The following FBN2 variants were observed in gnomAD, a reference collection of about 807,000 sequenced individuals.
FBN2 encodes the protein fibrillin 2.
Under a neutral mutation model 355.6 loss-of-function variants are expected in FBN2, and 105 were observed. That is an observed-to-expected ratio of 0.30 (90% confidence interval 0.25 to 0.35). FBN2 has a LOEUF of 0.35. FBN2 is among the 10% of genes least tolerant of loss of function. The pLI is 1.00. For synonymous variants in FBN2, 1,350 were observed against 1,301.2 expected, an observed-to-expected ratio of 1.04 and a Z score of -0.81; for missense variants, 3,280 against 3,758.7, an observed-to-expected ratio of 0.87 and a Z score of 3.33.
rs757659311 is a variant in FBN2, at chr5:128,408,807, AG to A, written c.953-9del. The stretch of plus-strand genomic sequence containing the variant: ...TGCTGCACTCATCAATGTCTAATCA[AG>A]GGAAGAAGGAGAAGATGATTGAGAA... On this transcript the variant is annotated splice_polypyrimidine_tract_variant and intron_variant, in intron 7 of 64. Transcript: ENST00000262464. 1.8e-5 allele frequency: 29 copies of A among 1,613,764 alleles called. No individual in the cohort carries two copies. Among genetic ancestry groups the A allele is most frequent in the Non-Finnish European group, 2.4e-5 (28 of 1,179,804 alleles).
chr5:128,368,200 A>C (rs1463145797), intron 16 of FBN2, among the ~76,000 whole-genome samples: 6 of 152,022 alleles, frequency 3.9e-5, no homozygotes, highest in Non-Finnish European at 8.8e-5. Context: ...ACTACTGTTA[A>C]CTTTAAGGAA....
intron 11 of FBN2, 123 bp downstream of exon 11, chr5:128,391,895 G>T (rs1335995275): frequency 2.3e-6 from 2 of 852,606 alleles, no homozygotes; most frequent in East Asian, 2.6e-5. Flanking sequence ...ACACAGAAGA[G>T]ACAGTTTGGA....
intron 7 of FBN2, among the ~76,000 whole-genome samples, chr5:128,442,915 T>C (rs1382535021): frequency 6.6e-6 from 1 of 152,168 alleles, no homozygotes; most frequent in Non-Finnish European, 1.5e-5. Flanking sequence ...TAAGCCTCCA[T>C]GATAGATAGT....
At chr5:128,406,006 C>G (rs1752918338) in intron 8 of FBN2, among the ~76,000 whole-genome samples, 1 of 152,186 alleles carries the variant, frequency 6.6e-6, no homozygotes, top group Admixed American at 6.5e-5. Flanking sequence ...CTATTCCAAG[C>G]TGATTATTTT....
At chr5:128,396,340 A>G (rs913294941) in intron 8 of FBN2, among the ~76,000 whole-genome samples, 3 of 152,190 alleles carry the variant, frequency 2.0e-5, no homozygotes, top group Non-Finnish European at 2.9e-5. Context: ...CTGAACATAT[A>G]TATCTGTGAA....
intron 10 of FBN2, among the ~76,000 whole-genome samples, chr5:128,392,841 T>A (rs1185785360): frequency 2.0e-5 from 3 of 152,162 alleles, no homozygotes; most frequent in Non-Finnish European, 4.4e-5. Context: ...ATTACTGGGC[T>A]CTCATATGTA....
chr5:128,315,474 C>T (rs924184757), intron 36 of FBN2, among the ~76,000 whole-genome samples: 6 of 152,138 alleles, frequency 3.9e-5, no homozygotes, highest in Non-Finnish European at 8.8e-5. Context: ...CATAAAAATG[C>T]AATACCCAAA....
intron 34 of FBN2, 50 bp from the exon 35 acceptor site, chr5:128,319,051 A>C (rs1355380467): frequency 3.4e-6 from 5 of 1,456,522 alleles, no homozygotes; most frequent in Non-Finnish European, 4.8e-6. Context: ...ACATTTTAAA[A>C]TTTTAATGTA....
intron 7 of FBN2, among the ~76,000 whole-genome samples, chr5:128,426,312 T>G (rs1303650979): frequency 6.6e-6 from 1 of 152,178 alleles, no homozygotes; most frequent in Non-Finnish European, 1.5e-5. Context: ...ACCTTCATAT[T>G]TGAAATTCCC....
intron 11 of FBN2, among the ~76,000 whole-genome samples, chr5:128,391,249 T>C (rs1427280629): frequency 1.3e-5 from 2 of 152,264 alleles, no homozygotes; most frequent in Middle Eastern, 3.4e-3. Context: ...CTTTTCCATC[T>C]ATGTATCTGC....
chr5:128,518,380 T>C (rs1194923700), intron 5 of FBN2, among the ~76,000 whole-genome samples: 1 of 152,154 alleles, frequency 6.6e-6, no homozygotes, highest in Non-Finnish European at 1.5e-5. Context: ...TATGAATAAG[T>C]TGGACAATGC....
At chr5:128,481,730 T>C (rs1018238730) in intron 5 of FBN2, among the ~76,000 whole-genome samples, 9 of 152,230 alleles carry the variant, frequency 5.9e-5, no homozygotes, top group Non-Finnish European at 1.3e-4. Flanking sequence ...ATTTATATCT[T>C]CTGTCCCTAA....
intron 8 of FBN2, among the ~76,000 whole-genome samples, chr5:128,399,851 G>A (rs1273596705): frequency 2.6e-5 from 4 of 151,916 alleles, no homozygotes; most frequent in East Asian, 1.9e-4. Context: ...TCGAGTTCAC[G>A]GCAGCAGGTC....
intron 4 of FBN2, among the ~76,000 whole-genome samples, chr5:128,521,708 C>T (rs780397109): frequency 6.6e-6 from 1 of 152,162 alleles, no homozygotes; most frequent in Non-Finnish European, 1.5e-5. Flanking sequence ...CAATGCCAGC[C>T]TTTGGGGAAA....
At chr5:128,537,269 G>C in intron 1 of FBN2, 81 bp downstream of exon 1, 1 of 1,585,476 alleles carries the variant, frequency 6.3e-7, no homozygotes, top group Non-Finnish European at 8.5e-7. Flanking sequence ...CTGGGACGGA[G>C]TGGGCCAGAA....
chr5:128,271,052 C>T (rs1765256301), intron 62 of FBN2, among the ~76,000 whole-genome samples: 1 of 152,126 alleles, frequency 6.6e-6, no homozygotes, highest in Admixed American at 6.6e-5. Context: ...ATTTTCCCTC[C>T]ACTGAAATTT....
chr5:128,463,302 C>T (rs1754608950), intron 6 of FBN2, among the ~76,000 whole-genome samples: 1 of 151,934 alleles, frequency 6.6e-6, no homozygotes, highest in Non-Finnish European at 1.5e-5. Context: ...AATATTCATA[C>T]CAAAACATAC....
At chr5:128,495,632 A>C (rs1561484939) in intron 5 of FBN2, among the ~76,000 whole-genome samples, 2 of 152,258 alleles carry the variant, frequency 1.3e-5, no homozygotes, top group East Asian at 3.9e-4. Context: ...ATCAGAAAGA[A>C]GCAAATAATA....
intron 6 of FBN2, among the ~76,000 whole-genome samples, chr5:128,449,124 T>A (rs1195949040): frequency 6.6e-6 from 1 of 151,428 alleles, no homozygotes; most frequent in East Asian, 1.9e-4. Flanking sequence ...ATTTTTTAAT[T>A]AACCTTAACA....
Sources: gnomAD v4.1 joint callset for allele counts (sites outside exome capture counted in the v4.1 genomes callset) on GRCh38, gnomAD v4.1.1 for gene constraint, MANE v1.5 for transcripts, NCBI Gene and HGNC (gene_info 2026-07-23, HGNC 2026-07-21) for gene names.